Variants in CTNNA3 observed in about 807,000 individuals in gnomAD.
CTNNA3 encodes the protein catenin alpha-3.
A neutral mutation model predicts 95.7 loss-of-function variants in CTNNA3; 76 were observed. The observed-to-expected ratio is 0.79, with a 90% CI of 0.66 to 0.96. CTNNA3 has a LOEUF of 0.96. Among genes scored for constraint, CTNNA3 ranks in the 40% least tolerant of loss-of-function variants. The pLI, the probability that CTNNA3 is intolerant of heterozygous loss-of-function variation, is 0.00. For synonymous variants in CTNNA3, 431 were observed against 374.4 expected, an observed-to-expected ratio of 1.15 and a Z score of -1.74; for missense variants, 1,191 against 1,089.8, an observed-to-expected ratio of 1.09 and a Z score of -1.31.
chr10:67,510,908 A>T (rs1413279412), intron 5 of CTNNA3, among the ~76,000 whole-genome samples: 1 of 152,124 alleles, frequency 6.6e-6, no homozygotes, highest in Non-Finnish European at 1.5e-5. Flanking sequence ...GGTCCTTCAC[A>T]TCCCTTGTAA....
chr10:67,417,180 A>G (rs1476910454), intron 5 of CTNNA3, among the ~76,000 whole-genome samples: 1 of 152,208 alleles, frequency 6.6e-6, no homozygotes, highest in Non-Finnish European at 1.5e-5. Flanking sequence ...CATAATCCTA[A>G]GCAAATTAAT....
At chr10:66,116,867 A>G (rs2082362824) in intron 13 of CTNNA3, among the ~76,000 whole-genome samples, 1 of 152,136 alleles carries the variant, frequency 6.6e-6, no homozygotes, top group African/African-American at 2.4e-5. Flanking sequence ...TTAAACAACC[A>G]GATCTGGTGA....
At chr10:67,272,330 T>C (rs1397375610) in intron 5 of CTNNA3, among the ~76,000 whole-genome samples, 5 of 152,042 alleles carry the variant, frequency 3.3e-5, no homozygotes, top group Non-Finnish European at 7.4e-5. Flanking sequence ...GGCAGATGGA[T>C]CACTTGAGCC....
In CTNNA3 at chr10:65,955,872, G is replaced by C. The variant is rs561807050; in HGVS notation, c.2400+10740C>G. 2.6e-5 allele frequency among the ~76,000 whole-genome samples: 4 copies of C among 152,226 alleles called. No individual in the cohort carries two copies. The South Asian group carries it at 8.3e-4, about 32-fold the overall frequency. On this transcript the variant is annotated intron_variant, in intron 17 of 17. Transcript: ENST00000433211. ...CTCTTTTTTTGTTGTGTCTCTGCCA[G>C]GCTTTGGTATCAGGATGATGCTGGC... is the stretch of plus-strand genomic sequence containing the variant.
intron 5 of CTNNA3, among the ~76,000 whole-genome samples, chr10:67,232,087 G>A (rs888541077): frequency 6.6e-6 from 1 of 152,042 alleles, no homozygotes; most frequent in African/African-American, 2.4e-5. Flanking sequence ...AAAACACTCT[G>A]CAGGATATTA....
At chr10:66,732,154 G>T (rs534178762) in intron 9 of CTNNA3, among the ~76,000 whole-genome samples, 22 of 152,308 alleles carry the variant, frequency 1.4e-4, no homozygotes, top group African/African-American at 5.1e-4. Context: ...GGCTTGGAGA[G>T]GTTGCCCATG....
chr10:67,364,496 A>G (rs1222027715), intron 5 of CTNNA3, among the ~76,000 whole-genome samples: 1 of 152,040 alleles, frequency 6.6e-6, no homozygotes, highest in East Asian at 1.9e-4. Context: ...AGAAAGAAAT[A>G]AAGGGTATTC....
chr10:66,226,706 T>C (rs1225617485), intron 13 of CTNNA3, among the ~76,000 whole-genome samples: 1 of 152,054 alleles, frequency 6.6e-6, no homozygotes, highest in Non-Finnish European at 1.5e-5. Context: ...TCTTTCCATT[T>C]TATTTGTGTC....
intron 5 of CTNNA3, among the ~76,000 whole-genome samples, chr10:67,245,179 G>T (rs2132341740): frequency 6.6e-6 from 1 of 152,068 alleles, no homozygotes; most frequent in Middle Eastern, 3.4e-3. Context: ...CCCTACATTA[G>T]GCCTTCCCAC....
chr10:67,528,034 C>T (rs576525878), intron 4 of CTNNA3, among the ~76,000 whole-genome samples: 5 of 152,262 alleles, frequency 3.3e-5, no homozygotes, highest in African/African-American at 7.2e-5. Flanking sequence ...ATTAGGTATC[C>T]ACCTTACAGT....
chr10:65,959,853 G>A (rs1053729876), intron 17 of CTNNA3, among the ~76,000 whole-genome samples: 2 of 152,142 alleles, frequency 1.3e-5, no homozygotes, highest in African/African-American at 4.8e-5. Flanking sequence ...GCAGGTGGAA[G>A]GCCAAACTGG....
chr10:67,236,524 G>C (rs1204289413), intron 5 of CTNNA3, among the ~76,000 whole-genome samples: 4 of 145,602 alleles, frequency 2.7e-5, no homozygotes, highest in Admixed American at 6.9e-5. Context: ...GGTGGGGGGG[G>C]TGGGGAGGGA....
intron 10 of CTNNA3, among the ~76,000 whole-genome samples, chr10:66,588,370 A>T (rs781061052): frequency 6.6e-6 from 1 of 151,686 alleles, no homozygotes; most frequent in African/African-American, 2.4e-5. Context: ...GTTGCTTCTT[A>T]GAAAGAAGTG....
At chr10:67,215,998 T>C (rs1349926180) in intron 6 of CTNNA3, among the ~76,000 whole-genome samples, 1 of 152,166 alleles carries the variant, frequency 6.6e-6, no homozygotes, top group Non-Finnish European at 1.5e-5. Context: ...TATATAAAAA[T>C]ATTTTCTTCA....
intron 9 of CTNNA3, among the ~76,000 whole-genome samples, chr10:66,674,672 T>G: frequency 6.6e-6 from 1 of 152,040 alleles, no homozygotes; most frequent in East Asian, 1.9e-4. Context: ...TTTGTTCTAA[T>G]TCCCAGCTTT....
At chr10:66,588,174 G>A (rs1843424046) in intron 10 of CTNNA3, among the ~76,000 whole-genome samples, 1 of 152,014 alleles carries the variant, frequency 6.6e-6, no homozygotes, top group Non-Finnish European at 1.5e-5. Context: ...ACTGGGTAGT[G>A]TTAAGATCTG....
intron 10 of CTNNA3, among the ~76,000 whole-genome samples, chr10:66,550,567 T>C (rs1196338939): frequency 6.6e-6 from 1 of 152,178 alleles, no homozygotes; most frequent in Admixed American, 6.5e-5. Flanking sequence ...GCCTGCAAGA[T>C]GAAAATATTT....
At chr10:66,972,389 C>T (rs1284130414) in intron 7 of CTNNA3, among the ~76,000 whole-genome samples, 2 of 152,084 alleles carry the variant, frequency 1.3e-5, no homozygotes, top group Admixed American at 6.6e-5. Context: ...CTACTGGGCT[C>T]AAGCAGTCCT....
chr10:66,037,636 A>T (rs1210498165), intron 15 of CTNNA3, among the ~76,000 whole-genome samples: 1 of 151,176 alleles, frequency 6.6e-6, no homozygotes, highest in Non-Finnish European at 1.5e-5. Context: ...GTAAACCATG[A>T]TATGATACAT....
Sources: gnomAD v4.1 joint callset for allele counts (sites outside exome capture counted in the v4.1 genomes callset) on GRCh38, gnomAD v4.1.1 for gene constraint, MANE v1.5 for transcripts, NCBI Gene and HGNC (gene_info 2026-07-23, HGNC 2026-07-21) for gene names.